Variants in TP53BP2 observed in about 807,000 individuals in gnomAD.
TP53BP2 encodes the protein apoptosis-stimulating of p53 protein 2.
TP53BP2 carries 62 observed loss-of-function variants against 126.2 expected under a neutral mutation model. The observed-to-expected ratio is 0.49, with a 90% CI of 0.40 to 0.61. The LOEUF is 0.61. TP53BP2 is among the 20% of genes least tolerant of loss of function. The probability of loss-of-function intolerance (pLI) is 0.00; values close to 1 mark genes in which losing one functional copy is unlikely to be tolerated. For missense variants in TP53BP2, 1,215 were observed against 1,402.8 expected (o/e 0.87, Z 2.14); for synonymous variants, 485 against 502.9 (o/e 0.96, Z 0.48).
rs1293898647 is a variant in TP53BP2 at position 223,796,142 on chromosome 1, A to G, written c.2397T>C (p.His799=). The G allele has an allele frequency of 1.2e-6, 2 of 1,614,166 alleles. No homozygotes were observed. The highest frequency in any genetic ancestry group is 1.7e-6 in the Non-Finnish European group (2 of 1,180,040). ...SPVEIQNPYL[H]VEPEKEVVSL... is the part of the protein sequence containing the mutation. Reference sequence around the variant, plus strand: ...AGACCACCTCCTTTTCGGGCTCCACATGTAAATATGGATTCTGGATTTCTA... The same window carrying G: ...AGACCACCTCCTTTTCGGGCTCCACGTGTAAATATGGATTCTGGATTTCTA... Residue 799 remains histidine, a synonymous_variant, in exon 13 of 18, where the codon CAT becomes CAC. Transcript: ENST00000343537. This position sits in a 1 kb window ranked among gnomAD's most constrained non-coding sequence, Gnocchi z 4.2.
intron 16 of TP53BP2, among the ~76,000 whole-genome samples, chr1:223,786,571 T>C (rs943252866): frequency 2.6e-4 from 35 of 132,630 alleles, no homozygotes; most frequent in Admixed American, 7.4e-4. Flanking sequence ...TGTGTGTGTG[T>C]GCGTGTGTGC....
intron 2 of TP53BP2, among the ~76,000 whole-genome samples, chr1:223,819,284 CA>C (rs1332037706): frequency 6.6e-6 from 1 of 151,818 alleles, no homozygotes; most frequent in Admixed American, 6.6e-5. Context: ...TAAGTGGGAT[CA>C]AAAGTATCAA....
At chr1:223,782,586 G>A (rs546747720) in intron 17 of TP53BP2, among the ~76,000 whole-genome samples, 9 of 152,250 alleles carry the variant, frequency 5.9e-5, no homozygotes, top group Non-Finnish European at 1.2e-4. Context: ...AGGCTCAACC[G>A]ACTCTCCTGC....
intron 1 of TP53BP2, among the ~76,000 whole-genome samples, chr1:223,824,759 A>G (rs1663428700): frequency 6.6e-6 from 1 of 152,078 alleles, no homozygotes; most frequent in South Asian, 2.1e-4. Context: ...ACAGCAGCCT[A>G]CAAGGTCTGC....
intron 13 of TP53BP2, among the ~76,000 whole-genome samples, chr1:223,794,339 T>C (rs1433444933): frequency 6.6e-6 from 1 of 152,146 alleles, no homozygotes. Flanking sequence ...TAAGCGACAA[T>C]ACATTTCACA....
At chr1:223,841,136 G>C (rs550911496) in intron 1 of TP53BP2, among the ~76,000 whole-genome samples, 1 of 152,122 alleles carries the variant, frequency 6.6e-6, no homozygotes, top group Non-Finnish European at 1.5e-5. Context: ...CCAGCTACTC[G>C]GGAGGCTGAG....
Position 223,812,858 on chromosome 1 carries a change from G to A in TP53BP2, c.289+1382C>T, listed in dbSNP as rs577651204. Reference sequence around the variant, plus strand: ...ATTACAGGCGTGAGCCACCATACCCGGCCTAATTTTTGTATTTTTAGTAGA... The same window carrying A: ...ATTACAGGCGTGAGCCACCATACCCAGCCTAATTTTTGTATTTTTAGTAGA... On this transcript the variant is annotated intron_variant, in intron 3 of 17. Transcript: ENST00000343537. 2.5e-3 allele frequency among the ~76,000 whole-genome samples: 378 copies of A among 151,494 alleles called. 1 individual carries two copies. Among genetic ancestry groups the A allele is most frequent in the African/African-American group, 8.5e-3 (349 of 41,262 alleles).
Position 223,845,655 on chromosome 1 carries a change from G to C in TP53BP2, c.26C>G (p.Pro9Arg), listed in dbSNP as rs779353589. ...CGCCCTGGCCGCTCGCCCACTTACC[G>C]GCATCATCTTGGACCCGAACCGCAT... MRFGSKMMPMFLTVYLSNN... is the reference protein window; with the variant it reads MRFGSKMMRMFLTVYLSNN... Residue 9 changes from proline (P) to arginine (R), a missense_variant and splice_region_variant, in exon 1 of 18, where the codon CCG (proline) becomes CGG (arginine). Physicochemically the swap from Pro to Arg is moderately radical, Grantham distance 103 (BLOSUM62 -2). Transcript: ENST00000343537. 15 of 1,554,808 alleles carry C rather than the reference G, an allele frequency of 9.6e-6. No individual in the cohort carries two copies. Among genetic ancestry groups the C allele is most frequent in the Admixed American group, 7.4e-5 (4 of 54,302 alleles).
At chr1:223,835,381 T>C (rs1173003680) in intron 1 of TP53BP2, among the ~76,000 whole-genome samples, 1 of 152,234 alleles carries the variant, frequency 6.6e-6, no homozygotes, top group East Asian at 1.9e-4. Flanking sequence ...AATCAATGTA[T>C]AAAGCAAAAG....
At chr1:223,821,010 T>C in intron 2 of TP53BP2, 1 of 615,634 alleles carries the variant, frequency 1.6e-6, no homozygotes, top group Non-Finnish European at 2.8e-6. Context: ...TATTTTATAT[T>C]GTGGTGTCTC....
rs186182402 is a variant in TP53BP2 at position 223,785,880 on chromosome 1, G to A, written c.3164-1566C>T. 2.2e-3 allele frequency among the ~76,000 whole-genome samples: 331 copies of A among 152,242 alleles called. 2 individuals are homozygous for A. Among genetic ancestry groups the A allele is most frequent in the Non-Finnish European group, 4.0e-3 (270 of 68,010 alleles). ...CACCAAGAGTCAAAGAGAACGTGGA[G>A]TAAAAGGAACCCTCTGCTAGATGTG... On this transcript the variant is annotated intron_variant, in intron 16 of 17. Coordinates refer to ENST00000343537, the MANE Select transcript of TP53BP2 (RefSeq NM_001031685.3).
rs1476544114 is a variant in TP53BP2, at chr1:223,801,941, C to T, written c.1225+175G>A. 4 of 553,828 alleles carry T rather than the reference C, an allele frequency of 7.2e-6. No homozygotes were observed. In the Admixed American group the frequency reaches 1.4e-4, roughly 20 times the overall value. The allele number at this position is 553,828 out of a possible 1,614,324, so 34.3% of individuals were successfully genotyped here. A position where few individuals can be genotyped will look rare whatever the true frequency, so the allele number is the denominator to read the frequency against. ...AGGGTTAAGAAAAATCATCCTTGTA[C>T]AACCAGGGTATCAATTTTAATTTTT... On this transcript the variant is annotated intron_variant, in intron 9 of 17. Transcript: ENST00000343537.
At chr1:223,837,479 C>A (rs1208626834) in intron 1 of TP53BP2, among the ~76,000 whole-genome samples, 1 of 152,098 alleles carries the variant, frequency 6.6e-6, no homozygotes, top group African/African-American at 2.4e-5. Flanking sequence ...TACTTCCAAC[C>A]CCGGGTAAGT....
At chr1:223,837,363 T>C (rs974661895) in intron 1 of TP53BP2, among the ~76,000 whole-genome samples, 1 of 152,176 alleles carries the variant, frequency 6.6e-6, no homozygotes, top group African/African-American at 2.4e-5. Context: ...CTGCTCTGTG[T>C]AGCTGTCAGA....
intron 1 of TP53BP2, among the ~76,000 whole-genome samples, chr1:223,827,998 T>A (rs1342564575): frequency 6.6e-6 from 1 of 152,226 alleles, no homozygotes; most frequent in Non-Finnish European, 1.5e-5. Flanking sequence ...TTCACTTCTG[T>A]TTCATTTTGG....
At chr1:223,808,359 G>C (rs1056677097) in intron 4 of TP53BP2, among the ~76,000 whole-genome samples, 2 of 151,952 alleles carry the variant, frequency 1.3e-5, no homozygotes, top group African/African-American at 4.8e-5. Flanking sequence ...TGACCAATAT[G>C]GTGAAACCCC....
chr1:223,783,092 T>C (rs1661828307), intron 17 of TP53BP2, among the ~76,000 whole-genome samples: 1 of 152,150 alleles, frequency 6.6e-6, no homozygotes, highest in African/African-American at 2.4e-5. Context: ...ACAGACAGAA[T>C]CCTGTTCATC....
chr1:223,826,916 T>C (rs956177331), intron 1 of TP53BP2, among the ~76,000 whole-genome samples: 4 of 152,186 alleles, frequency 2.6e-5, no homozygotes, highest in Non-Finnish European at 5.9e-5. Context: ...TATTTGAAGA[T>C]AGAGCCAGTA....
At chr1:223,842,218 G>A (rs993052119) in intron 1 of TP53BP2, among the ~76,000 whole-genome samples, 3 of 152,144 alleles carry the variant, frequency 2.0e-5, no homozygotes, top group African/African-American at 4.8e-5. Context: ...GATTACAGGC[G>A]TAGCCACCGT....
Sources: gnomAD v4.1 joint callset for allele counts (sites outside exome capture counted in the v4.1 genomes callset) on GRCh38, gnomAD v4.1.1 for gene constraint, Gnocchi (gnomAD v3.1) non-coding constraint, MANE v1.5 for transcripts, NCBI Gene and HGNC (gene_info 2026-07-23, HGNC 2026-07-21) for gene names.